The following TRPS1 variants were observed in gnomAD, a reference collection of about 807,000 sequenced individuals.
TRPS1 encodes the protein transcriptional repressor GATA binding 1, also known as zinc finger transcription factor Trps1.
In TRPS1, 6 loss-of-function variants were observed where a neutral mutation model predicts 101.2. The observed-to-expected ratio is 0.06, with a 90% CI of 0.03 to 0.12. The LOEUF is 0.12. Ranked by LOEUF, TRPS1 falls within the 10% of genes least tolerant of loss-of-function variation. The pLI is 1.00. For missense variants in TRPS1, 1,363 were observed against 1,567.0 expected (o/e 0.87, Z 2.20); for synonymous variants, 578 against 589.8 (o/e 0.98, Z 0.29).
intron 5 of TRPS1, among the ~76,000 whole-genome samples, chr8:115,519,829 A>C (rs1586358132): frequency 6.6e-6 from 1 of 151,852 alleles, no homozygotes; most frequent in South Asian, 2.1e-4. Context: ...AAAGAAAAGA[A>C]GAATTAATTA....
chr8:115,472,212 C>G (rs957997925), intron 5 of TRPS1, among the ~76,000 whole-genome samples: 2 of 152,216 alleles, frequency 1.3e-5, no homozygotes, highest in Non-Finnish European at 2.9e-5. Flanking sequence ...CATGCATTTC[C>G]ACACATCCTC....
In TRPS1 at chr8:115,520,122, T is replaced by C. The variant is rs1438005521; in HGVS notation, c.2700+66879A>G. On this transcript the variant is annotated intron_variant, in intron 5 of 6. Coordinates refer to ENST00000395715, the MANE Select transcript of TRPS1 (RefSeq NM_014112.5). ...CATCAACAGATGACATGGAACCACT[T>C]TAAAAAAAACAGCATTAATATATGT... Among the ~76,000 whole-genome samples the C allele has an allele frequency of 2.0e-5, 3 of 150,434 alleles. No homozygotes were observed. In the East Asian group the frequency reaches 5.8e-4, roughly 29 times the overall value.
chr8:115,585,687 C>G (rs1260113969), intron 5 of TRPS1, among the ~76,000 whole-genome samples: 1 of 152,108 alleles, frequency 6.6e-6, no homozygotes, highest in Non-Finnish European at 1.5e-5. Context: ...TAAATTGAAC[C>G]CCCTCTTGAA....
intron 5 of TRPS1, among the ~76,000 whole-genome samples, chr8:115,492,654 T>C (rs1008066116): frequency 6.6e-6 from 1 of 152,164 alleles, no homozygotes; most frequent in African/African-American, 2.4e-5. Context: ...GAATGGACTC[T>C]ACGTTTCTCT....
At chr8:115,483,990 T>C (rs1814819318) in intron 5 of TRPS1, among the ~76,000 whole-genome samples, 1 of 152,204 alleles carries the variant, frequency 6.6e-6, no homozygotes, top group Admixed American at 6.5e-5. Context: ...ATTTGACTCA[T>C]AGTGGCTTTG....
At chr8:115,496,303 A>G (rs1051051941) in intron 5 of TRPS1, among the ~76,000 whole-genome samples, 1 of 152,190 alleles carries the variant, frequency 6.6e-6, no homozygotes, top group Non-Finnish European at 1.5e-5. Context: ...GCTCTTTTCA[A>G]CCAATGGGTT....
intron 5 of TRPS1, among the ~76,000 whole-genome samples, chr8:115,445,238 G>T (rs969239264): frequency 6.6e-6 from 1 of 152,082 alleles, no homozygotes; most frequent in Non-Finnish European, 1.5e-5. Flanking sequence ...AAGACTCCAC[G>T]TTCCATGAAA....
intron 1 of TRPS1, among the ~76,000 whole-genome samples, chr8:115,661,044 T>C (rs1467024004): frequency 6.6e-6 from 1 of 152,016 alleles, no homozygotes; most frequent in Non-Finnish European, 1.5e-5. Context: ...TGGTAGCCCA[T>C]AAAGTGATAT....
rs1036015541 is a variant in TRPS1, at chr8:115,632,073, T to G, written c.-121-8315A>C. 2.6e-5 allele frequency among the ~76,000 whole-genome samples: 4 copies of G among 152,222 alleles called. No homozygotes were observed. In the East Asian group the frequency reaches 5.8e-4, roughly 22 times the overall value. ...ACACAGAGGAAAGTTCATTAAAAAG[T>G]GGCACATTCTCTATATAGTGATAAT... On this transcript the variant is annotated intron_variant, in intron 1 of 6. Transcript: ENST00000395715.
At chr8:115,515,056 G>T in intron 5 of TRPS1, 1 of 570,324 alleles carries the variant, frequency 1.8e-6, no homozygotes, top group Non-Finnish European at 3.1e-6. Flanking sequence ...CATATACTGT[G>T]TAAGAAAAAT....
intron 5 of TRPS1, among the ~76,000 whole-genome samples, chr8:115,566,613 A>G (rs758912194): frequency 2.8e-5 from 4 of 142,462 alleles, no homozygotes; most frequent in Non-Finnish European, 5.9e-5. Context: ...CAGAAAACAG[A>G]AAAAAAAACA....
At chr8:115,417,717 T>G (rs977701047) in intron 6 of TRPS1, among the ~76,000 whole-genome samples, 2 of 152,180 alleles carry the variant, frequency 1.3e-5, no homozygotes, top group African/African-American at 2.4e-5. Flanking sequence ...AAAGTATCTT[T>G]GCACCTTACT....
chr8:115,516,247 C>G (rs1266699349), intron 5 of TRPS1, among the ~76,000 whole-genome samples: 1 of 143,338 alleles, frequency 7.0e-6, no homozygotes, highest in Non-Finnish European at 1.5e-5. Context: ...ACTGAAATTA[C>G]TTGAGCTTCC....
intron 5 of TRPS1, among the ~76,000 whole-genome samples, chr8:115,585,052 T>C (rs1817533632): frequency 5.3e-5 from 8 of 152,184 alleles, no homozygotes; most frequent in Admixed American, 5.2e-4. Flanking sequence ...CTCTGAAATT[T>C]AGTAGATTAC....
chr8:115,528,744 C>T (rs1348324012), intron 5 of TRPS1, among the ~76,000 whole-genome samples: 6 of 151,668 alleles, frequency 4.0e-5, no homozygotes, highest in Non-Finnish European at 7.4e-5. Flanking sequence ...CTCTAGATGA[C>T]GTATAAAATC....
At chr8:115,503,997 G>A (rs544706854) in intron 5 of TRPS1, among the ~76,000 whole-genome samples, 1 of 152,244 alleles carries the variant, frequency 6.6e-6, no homozygotes, top group Admixed American at 6.5e-5. Flanking sequence ...TGTTTCATTA[G>A]ATTGCTCAAC....
rs111770206 is a variant in TRPS1 at position 115,637,321 on chromosome 8, C to T, written c.-121-13563G>A. ...ACCACTTGGAGAAAGCAGGAAGCCACTTGAAGTTTCTAAAAAGAAGAGATT... is the reference window on the plus strand; with the variant it reads ...ACCACTTGGAGAAAGCAGGAAGCCATTTGAAGTTTCTAAAAAGAAGAGATT... On this transcript the variant is annotated intron_variant, in intron 1 of 6. Transcript: ENST00000395715. The T allele has an allele frequency of 2.4e-4, 235 of 985,282 alleles. No homozygotes were observed. The African/African-American group carries it at 3.9e-3, about 16-fold the overall frequency. The allele number at this position is 985,282 out of a possible 1,614,324, so 61.0% of individuals were successfully genotyped here.
chr8:115,641,242 T>C (rs958981976), intron 1 of TRPS1, among the ~76,000 whole-genome samples: 1 of 152,246 alleles, frequency 6.6e-6, no homozygotes, highest in Non-Finnish European at 1.5e-5. Context: ...CATTACTAAC[T>C]ACTCATCTGT....
chr8:115,550,605 A>G (rs1816681496), intron 5 of TRPS1, among the ~76,000 whole-genome samples: 1 of 152,246 alleles, frequency 6.6e-6, no homozygotes, highest in Admixed American at 6.5e-5. Context: ...TTTGCAAAGT[A>G]GTGACCTCTC....
Sources: gnomAD v4.1 joint callset for allele counts (sites outside exome capture counted in the v4.1 genomes callset) on GRCh38, gnomAD v4.1.1 for gene constraint, MANE v1.5 for transcripts, NCBI Gene and HGNC (gene_info 2026-07-23, HGNC 2026-07-21) for gene names.